Variants in AAK1 observed in about 807,000 individuals in gnomAD.
AAK1 encodes AP2 associated kinase 1, also known as AP2-associated protein kinase 1.
A neutral mutation model predicts 116.0 loss-of-function variants in AAK1; 37 were observed. That is an observed-to-expected ratio of 0.32 (90% CI 0.25 to 0.42). The LOEUF (loss-of-function observed/expected upper bound fraction) is 0.42. Among genes scored for constraint, AAK1 ranks in the 10% least tolerant of loss-of-function variants. AAK1 has a pLI of 1.00. For synonymous variants in AAK1, 458 were observed against 439.9 expected (o/e 1.04, Z -0.51); for missense variants, 919 against 1,170.6 (o/e 0.79, Z 3.14).
At position 69,633,592 on chromosome 2, in the gene AAK1, GC is replaced by G. The variant is rs554959687; in HGVS notation, c.163+9285del. Among the ~76,000 whole-genome samples the G allele has an allele frequency of 5.9e-3, 775 of 131,530 alleles. 9 individuals carry two copies. Among genetic ancestry groups the G allele is most frequent in the African/African-American group, 0.022 (734 of 32,904 alleles). 86.3% of individuals were successfully genotyped at this position (131,530 alleles called of 152,430 possible). On this transcript the variant is annotated intron_variant, in intron 2 of 21. Transcript: ENST00000409085. Reference sequence around the variant, plus strand: ...CTCCAGCCTGGCGACAGAATGAGACGCTGTCTCAAAAAAAAAAAAAAAAAAC... The same window carrying G: ...CTCCAGCCTGGCGACAGAATGAGACGTGTCTCAAAAAAAAAAAAAAAAAAC...
chr2:69,600,576 T>TG (rs1472493543), intron 2 of AAK1, among the ~76,000 whole-genome samples: 1 of 152,190 alleles, frequency 6.6e-6, no homozygotes, highest in Admixed American at 6.5e-5. Context: ...CTTGAACGGA[T>TG]GGAAGTGGCT....
intron 17 of AAK1, among the ~76,000 whole-genome samples, chr2:69,488,279 AC>A (rs1675383208): frequency 6.6e-6 from 1 of 151,966 alleles, no homozygotes; most frequent in Non-Finnish European, 1.5e-5. Flanking sequence ...CATGCTATGT[AC>A]CCAGGTAACA....
chr2:69,556,761 C>CA, intron 3 of AAK1, 99 bp downstream of exon 3: 1 of 848,760 alleles, frequency 1.2e-6, no homozygotes, highest in South Asian at 1.5e-5. Context: ...GCCTCTGTAC[C>CA]ATCTCAGGGA....
At chr2:69,589,521 C>G (rs1672935263) in intron 2 of AAK1, among the ~76,000 whole-genome samples, 1 of 151,838 alleles carries the variant, frequency 6.6e-6, no homozygotes, top group Non-Finnish European at 1.5e-5. Flanking sequence ...CCAGCCTGAC[C>G]AATATGATGA....
At chr2:69,477,280 C>A (rs1674890529) in intron 20 of AAK1, among the ~76,000 whole-genome samples, 1 of 152,192 alleles carries the variant, frequency 6.6e-6, no homozygotes, top group East Asian at 1.9e-4. Flanking sequence ...TGAGGTATCT[C>A]TTCATTGTCA....
intron 2 of AAK1, among the ~76,000 whole-genome samples, chr2:69,587,432 T>C (rs775227382): frequency 2.0e-5 from 3 of 150,894 alleles, no homozygotes; most frequent in Non-Finnish European, 2.9e-5. Context: ...CACATATATA[T>C]ACATATGTGT....
rs1674722405 is a variant in AAK1, at chr2:69,472,732, C to T, written c.*3137G>A. On this transcript the variant is annotated 3_prime_UTR_variant, in exon 22 of 22. Coordinates refer to ENST00000409085, the MANE Select transcript of AAK1 (RefSeq NM_014911.5). ...AGCTGGAATAAAAGCAAATCAGAAA[C>T]ATATGCTTATAGTATTTGCCCGTTT... 2 of 985,400 alleles carry T rather than the reference C, an allele frequency of 2.0e-6. No homozygotes were observed. The highest frequency in any genetic ancestry group is 2.4e-6 in the Non-Finnish European group (2 of 829,918). 61.0% of individuals were successfully genotyped at this position (985,400 alleles called of 1,614,324 possible).
Position 69,468,018 on chromosome 2 carries a change from A to G in AAK1, c.*7851T>C. On this transcript the variant is annotated 3_prime_UTR_variant, in exon 22 of 22. Coordinates refer to ENST00000409085, the MANE Select transcript of AAK1 (RefSeq NM_014911.5). ...CTCCATTTTTATTTTCCTTTCTAACAGTTTGAATGCGTTCAGTGAATTCCA... is the reference window on the plus strand; with the variant it reads ...CTCCATTTTTATTTTCCTTTCTAACGGTTTGAATGCGTTCAGTGAATTCCA... 1.0e-6 allele frequency: 1 copy of G among 985,478 alleles called. No homozygotes were observed. The highest frequency in any genetic ancestry group is 1.2e-6 in the Non-Finnish European group (1 of 829,934). 61.0% of individuals were successfully genotyped at this position (985,478 alleles called of 1,614,324 possible).
At chr2:69,481,376 A>G (rs1013983022) in intron 18 of AAK1, 1 of 153,174 alleles carries the variant, frequency 6.5e-6, no homozygotes, top group African/African-American at 2.4e-5. Flanking sequence ...ATGTCAGAAG[A>G]GATGGGCTGA....
intron 2 of AAK1, among the ~76,000 whole-genome samples, chr2:69,589,665 C>T (rs921672938): frequency 6.9e-6 from 1 of 145,488 alleles, no homozygotes; most frequent in African/African-American, 2.6e-5. Context: ...GCCGAGATCG[C>T]GCCATTGTAC....
Position 69,465,863 on chromosome 2 carries a change from T to C in AAK1, c.*10006A>G, listed in dbSNP as rs941332305. 4 of 1,290,616 alleles carry C rather than the reference T, an allele frequency of 3.1e-6. No individual in the cohort carries two copies. In the African/African-American group the frequency reaches 6.1e-5, roughly 20 times the overall value. The allele number at this position is 1,290,616 out of a possible 1,614,324, so 79.9% of individuals were successfully genotyped here. On this transcript the variant is annotated 3_prime_UTR_variant, in exon 22 of 22. Coordinates refer to ENST00000409085, the MANE Select transcript of AAK1 (RefSeq NM_014911.5). ...GAGCTTGGACAGAGGTGTACACAGC[T>C]CTCTCACGGCCCGCGGGCAGGGGGA... is the stretch of plus-strand genomic sequence containing the variant.
rs541286460 is a variant in AAK1 at position 69,569,558 on chromosome 2, T to C, written c.164-12580A>G. 4.6e-5 allele frequency among the ~76,000 whole-genome samples: 7 copies of C among 152,222 alleles called. No individual in the cohort carries two copies. In the East Asian group the frequency reaches 9.7e-4, roughly 21 times the overall value. ...GTGCTATTGGATGAGTTTTGGTAAG[T>C]GAACACACTCAGGTAACCCAAACCC... On this transcript the variant is annotated intron_variant, in intron 2 of 21. Coordinates refer to ENST00000409085, the MANE Select transcript of AAK1 (RefSeq NM_014911.5).
At chr2:69,529,901 T>C in intron 8 of AAK1, 107 bp downstream of exon 8, 2 of 1,009,112 alleles carry the variant, frequency 2.0e-6, no homozygotes, top group Middle Eastern at 3.3e-4. Flanking sequence ...CTAATTTCTT[T>C]ACCTTTGCAT....
Position 69,465,797 on chromosome 2 carries a change from C to A in AAK1, c.*10072G>T. 7.7e-7 allele frequency: 1 copy of A among 1,290,772 alleles called. No individual in the cohort carries two copies. 80.0% of individuals were successfully genotyped at this position (1,290,772 alleles called of 1,614,324 possible). On this transcript the variant is annotated 3_prime_UTR_variant, in exon 22 of 22. Transcript: ENST00000409085. ...GGTCTGCTGCTTGTACAGAATGGGA[C>A]AGGAGGTTAGACTGTTGCACAAAAC...
In AAK1 at chr2:69,514,459, G is replaced by A; in HGVS notation, c.1776+12C>T. On this transcript the variant is annotated intron_variant, in intron 13 of 21. Coordinates refer to ENST00000409085, the MANE Select transcript of AAK1 (RefSeq NM_014911.5). ...TGCTGCTTTTGTGCTCTGAGCTCTG[G>A]TTGATTCTTACCGCTGGCTCCTGGG... 6.5e-7 allele frequency: 1 copy of A among 1,532,000 alleles called. No individual in the cohort carries two copies. Among genetic ancestry groups the A allele is most frequent in the Non-Finnish European group, 8.8e-7 (1 of 1,136,756 alleles). The allele number at this position is 1,532,000 out of a possible 1,614,324, so 94.9% of individuals were successfully genotyped here.
chr2:69,472,693 T>A lies in AAK1; in HGVS notation c.*3176A>T. On this transcript the variant is annotated 3_prime_UTR_variant, in exon 22 of 22. Coordinates refer to ENST00000409085, the MANE Select transcript of AAK1 (RefSeq NM_014911.5). ...AATTTGTCATGTTTTCTGCTATAGT[T>A]ACTCCTCTTACATAGCTGGAATAAA... 1 of 985,450 alleles carries A rather than the reference T, an allele frequency of 1.0e-6. No homozygotes were observed. Among genetic ancestry groups the A allele is most frequent in the Non-Finnish European group, 1.2e-6 (1 of 829,918 alleles). The allele number at this position is 985,450 out of a possible 1,614,324, so 61.0% of individuals were successfully genotyped here. A position where few individuals can be genotyped will look rare whatever the true frequency, so the allele number is the denominator to read the frequency against.
intron 5 of AAK1, among the ~76,000 whole-genome samples, chr2:69,541,878 T>C (rs563533036): frequency 1.3e-5 from 2 of 152,360 alleles, no homozygotes; most frequent in East Asian, 3.9e-4. Flanking sequence ...ATTCAAATTC[T>C]GGCACTGTCC....
intron 3 of AAK1, among the ~76,000 whole-genome samples, chr2:69,547,761 A>T (rs562936215): frequency 6.6e-6 from 1 of 152,336 alleles, no homozygotes; most frequent in South Asian, 2.1e-4. Flanking sequence ...TGAAAATATT[A>T]TAGGCACACA....
At chr2:69,502,816 C>T (rs1676031866) in intron 16 of AAK1, among the ~76,000 whole-genome samples, 1 of 151,994 alleles carries the variant, frequency 6.6e-6, no homozygotes, top group Non-Finnish European at 1.5e-5. Flanking sequence ...TTTGATTTAG[C>T]ACATAGTCTC....
Sources: allele counts gnomAD v4.1 joint callset (sites outside exome capture counted in the v4.1 genomes callset), GRCh38; gene constraint gnomAD v4.1.1; transcripts MANE v1.5; gene names NCBI Gene and HGNC (gene_info 2026-07-23, HGNC 2026-07-21).